Variants in NOX5 observed in about 807,000 individuals in gnomAD.
NOX5 encodes NADPH oxidase, EF-hand calcium binding domain 5.
Under a neutral mutation model 85.7 loss-of-function variants are expected in NOX5, and 76 were observed. That is an observed-to-expected ratio of 0.89 (90% CI 0.74 to 1.07). The LOEUF is 1.07. NOX5 is among the 50% of genes least tolerant of loss of function. The pLI is 0.00. For synonymous variants in NOX5, 405 were observed against 401.4 expected (o/e 1.01, Z -0.11); for missense variants, 973 against 999.5 (o/e 0.97, Z 0.36).
In NOX5 at chr15:69,055,345, G is replaced by A; in HGVS notation, c.2011G>A (p.Glu671Lys). The A allele has an allele frequency of 6.2e-7, 1 of 1,613,940 alleles. No homozygotes were observed. The highest frequency in any genetic ancestry group is 8.5e-7 in the Non-Finnish European group (1 of 1,179,862). The change falls in exon 15 of 16, where the codon GAG becomes AAG. Residue 671 changes from glutamate to lysine, a missense_variant. By Grantham distance (56) the Glu-to-Lys change is moderately conservative. Coordinates refer to ENST00000388866, the MANE Select transcript of NOX5 (RefSeq NM_024505.4). ...AEEAQYGRFLELHMYMTSALG... is the reference protein window; with the variant it reads ...AEEAQYGRFLKLHMYMTSALG... ...CCCCTGCCCAACAGGCCGCTTCCTG[G>A]AGCTGCATATGTACATGACATCTGC...
At chr15:69,029,269 G>C (rs2050399009) in intron 3 of NOX5, 1 of 152,124 alleles carries the variant, frequency 6.6e-6, no homozygotes, top group African/African-American at 2.4e-5. Flanking sequence ...TTTGTATCTG[G>C]CTTATGTCAC....
intron 4 of NOX5, among the ~76,000 whole-genome samples, chr15:69,032,252 G>A (rs748815366): frequency 2.6e-5 from 4 of 152,160 alleles, no homozygotes; most frequent in African/African-American, 4.8e-5. Flanking sequence ...TCCAGACGAA[G>A]AGACATGTCA....
At chr15:69,038,744 G>T in intron 8 of NOX5, 113 bp from the exon 9 acceptor site, 1 of 1,431,072 alleles carries the variant, frequency 7.0e-7, no homozygotes, top group Admixed American at 1.8e-5. Context: ...CATGTCTCGG[G>T]GCATGCCTGT....
Position 69,014,787 on chromosome 15 carries a change from T to G in NOX5, c.50+2T>G. Reference sequence around the variant, plus strand: ...GACGGGCCCTGAAGGCTGTAGAGGGTGAGTGGCTCATTTGTCCAGCTTTCC... The same window carrying G: ...GACGGGCCCTGAAGGCTGTAGAGGGGGAGTGGCTCATTTGTCCAGCTTTCC... On this transcript the variant is annotated splice_donor_variant, in intron 1 of 15. Transcript: ENST00000388866. LOFTEE classifies it high-confidence loss of function. 1 of 1,546,106 alleles carries G rather than the reference T, an allele frequency of 6.5e-7. No individual in the cohort carries two copies.
At chr15:69,023,474 G>T in intron 1 of NOX5, 1 of 419,922 alleles carries the variant, frequency 2.4e-6, no homozygotes, top group Non-Finnish European at 4.7e-6. Flanking sequence ...TGATTCTACT[G>T]AAATCCCGAA....
At chr15:69,036,979 C>T in intron 7 of NOX5, 49 bp from the exon 8 acceptor site, 1 of 1,470,174 alleles carries the variant, frequency 6.8e-7, no homozygotes, top group Non-Finnish European at 9.5e-7. Context: ...TCTGTTCCAC[C>T]CCCCAGGCCT....
rs536760068 is a variant in NOX5 at position 69,061,557 on chromosome 15, A to G, written c.*4861A>G. 3 of 152,372 alleles carry G rather than the reference A, an allele frequency of 2.0e-5. No homozygotes were observed. The highest frequency in any genetic ancestry group is 7.2e-5 in the African/African-American group (3 of 41,592). The allele number at this position is 152,372 out of a possible 1,614,324, so 9.4% of individuals were successfully genotyped here. On this transcript the variant is annotated 3_prime_UTR_variant, in exon 16 of 16. Coordinates refer to ENST00000388866, the MANE Select transcript of NOX5 (RefSeq NM_024505.4). Reference sequence around the variant, plus strand: ...CATCTTTTTATGATCTGTCTTTACAATATGATGACTCTCTCCTTTTAAAAA... The same window carrying G: ...CATCTTTTTATGATCTGTCTTTACAGTATGATGACTCTCTCCTTTTAAAAA...
chr15:69,021,093 A>C (rs2050290503), intron 1 of NOX5, among the ~76,000 whole-genome samples: 1 of 152,096 alleles, frequency 6.6e-6, no homozygotes, highest in South Asian at 2.1e-4. Flanking sequence ...TTCTAGATTT[A>C]ATTCAGTTAT....
intron 1 of NOX5, among the ~76,000 whole-genome samples, chr15:69,017,775 TAC>T (rs35677555): frequency 0.055 from 8,041 of 146,382 alleles, 424 homozygotes; most frequent in African/African-American, 0.14. Context: ...ATATATTTTA[TAC>T]ACACACACAC....
At chr15:69,043,736 G>A (rs1445100388) in intron 10 of NOX5, among the ~76,000 whole-genome samples, 1 of 152,060 alleles carries the variant, frequency 6.6e-6, no homozygotes, top group Non-Finnish European at 1.5e-5. Flanking sequence ...GGATCAATGG[G>A]CTAGATACAC....
intron 1 of NOX5, among the ~76,000 whole-genome samples, chr15:69,017,045 CTA>C (rs2050239761): frequency 6.6e-6 from 1 of 152,100 alleles, no homozygotes; most frequent in Admixed American, 6.6e-5. Context: ...CATTTATACT[CTA>C]TTGTCTTTGA....
intron 1 of NOX5, among the ~76,000 whole-genome samples, chr15:69,020,937 CTTCT>C (rs956622734): frequency 1.4e-4 from 22 of 152,092 alleles, no homozygotes; most frequent in African/African-American, 5.3e-4. Context: ...AACTATTTTT[CTTCT>C]TTAATTTGTT....
intron 1 of NOX5, among the ~76,000 whole-genome samples, chr15:69,016,326 G>T (rs1289648223): frequency 6.6e-6 from 1 of 152,226 alleles, no homozygotes; most frequent in Non-Finnish European, 1.5e-5. Context: ...TCCACAGTGA[G>T]TTGGGCCCTG....
In NOX5 at chr15:69,062,544, T is replaced by G. The variant is rs1413021532; in HGVS notation, c.*5848T>G. ...CAGGTCTTGGCAATGTCCACCTTGCTTTTTTTACTTTAAATAGCATCATTT... is the reference window on the plus strand; with the variant it reads ...CAGGTCTTGGCAATGTCCACCTTGCGTTTTTTACTTTAAATAGCATCATTT... On this transcript the variant is annotated 3_prime_UTR_variant, in exon 16 of 16. Transcript: ENST00000388866. The G allele has an allele frequency of 1.3e-5, 2 of 152,164 alleles. No homozygotes were observed. The highest frequency in any genetic ancestry group is 4.8e-5 in the African/African-American group (2 of 41,448). The allele number at this position is 152,164 out of a possible 1,614,324, so 9.4% of individuals were successfully genotyped here. A position where few individuals can be genotyped will look rare whatever the true frequency, so the allele number is the denominator to read the frequency against.
At chr15:69,034,750 T>A (rs936362412) in intron 5 of NOX5, among the ~76,000 whole-genome samples, 5 of 152,184 alleles carry the variant, frequency 3.3e-5, no homozygotes, top group African/African-American at 1.2e-4. Flanking sequence ...ATTTTATTTA[T>A]TTATTTATTT....
chr15:69,046,682 C>A, intron 10 of NOX5, 140 bp from the exon 11 acceptor site: 1 of 686,658 alleles, frequency 1.5e-6, no homozygotes, highest in Non-Finnish European at 2.5e-6. Flanking sequence ...AAAAGAGCTT[C>A]GTGTTCCCTG....
intron 13 of NOX5, 25 bp from the exon 14 acceptor site, chr15:69,048,934 T>C: frequency 6.3e-7 from 1 of 1,585,074 alleles, no homozygotes; most frequent in South Asian, 1.1e-5. Flanking sequence ...ACCCAGCCTC[T>C]GAGCTGAAGG....
rs2050432156 is a variant in NOX5, at chr15:69,031,597, G to T, written c.405G>T (p.Gly135=). 1 of 1,613,164 alleles carries T rather than the reference G, an allele frequency of 6.2e-7. No homozygotes were observed. The highest frequency in any genetic ancestry group is 1.3e-5 in the African/African-American group (1 of 75,078). ...AGPHWASSPL[G]TGSGSIDPDE... ...CGCACTGGGCTTCATCCCCACTCGG[G>T]ACAGGCAGTGGCTCCATTGACCCGG... The change falls in exon 4 of 16, where the codon GGG becomes GGT. Residue 135 remains glycine, a synonymous_variant. Transcript: ENST00000388866.
chr15:69,026,731 G>A, intron 2 of NOX5, 80 bp downstream of exon 2: 1 of 1,587,570 alleles, frequency 6.3e-7, no homozygotes, highest in Non-Finnish European at 8.6e-7. Context: ...TACAGGGAGG[G>A]AAAGGGAACT....
Sources: allele counts gnomAD v4.1 joint callset (sites outside exome capture counted in the v4.1 genomes callset), GRCh38; gene constraint gnomAD v4.1.1; transcripts MANE v1.5; gene names NCBI Gene and HGNC (gene_info 2026-07-23, HGNC 2026-07-21).